The following NCF1 variants were observed in gnomAD, a reference collection of about 807,000 sequenced individuals.
The protein encoded by NCF1 is neutrophil cytosolic factor 1, also known as neutrophil cytosol factor 1.
In NCF1, 8 loss-of-function variants were observed where a neutral mutation model predicts 34.9. That is an observed-to-expected ratio of 0.23 (90% CI 0.13 to 0.41). The LOEUF is 0.41. Ranked by LOEUF, NCF1 falls within the 10% of genes least tolerant of loss-of-function variation. The pLI is 1.00. For missense variants in NCF1, 122 were observed against 362.4 expected (o/e 0.34, Z 5.39); for synonymous variants, 57 against 146.3 (o/e 0.39, Z 4.41).
chr7:74,775,758 G>A (rs1369713425), intron 1 of NCF1, among the ~76,000 whole-genome samples: 1 of 102,476 alleles, frequency 9.8e-6, no homozygotes, highest in Non-Finnish European at 1.9e-5. Flanking sequence ...TTTTGGACAC[G>A]GAATCTCACT....
chr7:74,783,777 G>A (rs1431619631), intron 7 of NCF1, 145 bp downstream of exon 7: 3 of 1,487,284 alleles, frequency 2.0e-6, no homozygotes, highest in Non-Finnish European at 2.7e-6. Flanking sequence ...TCTGGCTTGG[G>A]GGCCCTGGCA....
chr7:74,786,941 C>CT (rs1563005401), intron 8 of NCF1, among the ~76,000 whole-genome samples: 1 of 136,326 alleles, frequency 7.3e-6, no homozygotes, highest in Non-Finnish European at 1.6e-5. Context: ...GCAAAGTTTT[C>CT]TTTTGTTTTT....
chr7:74,782,361 C>T (rs1796585606), intron 5 of NCF1, among the ~76,000 whole-genome samples: 1 of 91,704 alleles, frequency 1.1e-5, no homozygotes, highest in Non-Finnish European at 2.1e-5. Context: ...ATTACTTGAA[C>T]CTGGGAGGTG....
chr7:74,786,484 T>C (rs587665386), intron 8 of NCF1, among the ~76,000 whole-genome samples: 2 of 152,166 alleles, frequency 1.3e-5, no homozygotes, highest in South Asian at 4.2e-4. Flanking sequence ...CATCGCTCAC[T>C]CAAGCGATCC....
chr7:74,777,258 T>C lies in NCF1; in HGVS notation c.73-9T>C. The C allele has an allele frequency of 6.2e-7, 1 of 1,612,496 alleles. No individual in the cohort carries two copies. The highest frequency in any genetic ancestry group is 1.1e-5 in the South Asian group (1 of 91,018). The stretch of plus-strand genomic sequence containing the variant: ...TGAATGGGGTCCCCCGACTCTGGCT[T>C]TCCCCCAGGTGTACATGTTCCTGGT... On this transcript the variant is annotated splice_polypyrimidine_tract_variant and intron_variant, in intron 1 of 10. Coordinates refer to ENST00000289473, the MANE Select transcript of NCF1 (RefSeq NM_000265.7).
At chr7:74,777,474 G>T in intron 2 of NCF1, 127 bp downstream of exon 2, 1 of 824,696 alleles carries the variant, frequency 1.2e-6, no homozygotes, top group African/African-American at 1.8e-5. Flanking sequence ...AGTTAAAGGG[G>T]ATTTATTTAT....
intron 8 of NCF1, among the ~76,000 whole-genome samples, chr7:74,787,214 G>T (rs1796690394): frequency 6.6e-6 from 1 of 151,970 alleles, no homozygotes; most frequent in Non-Finnish European, 1.5e-5. Flanking sequence ...GAGGCAGGTG[G>T]ATCACTTGAT....
In NCF1 at chr7:74,777,660, G is replaced by A. The variant is rs1314466176; in HGVS notation, c.153+313G>A. On this transcript the variant is annotated intron_variant, in intron 2 of 10. Transcript: ENST00000289473. ...TGCAGCCTCGACCTCTGGGGCTCAA[G>A]CGATCCTCCTGCCTCAGCCTCCTGA... 1.1e-5 allele frequency: 4 copies of A among 348,104 alleles called. No individual in the cohort carries two copies. In the Admixed American group the frequency reaches 1.2e-4, roughly 10 times the overall value. The allele number at this position is 348,104 out of a possible 1,614,324, so 21.6% of individuals were successfully genotyped here. A position where few individuals can be genotyped will look rare whatever the true frequency, so the allele number is the denominator to read the frequency against.
At chr7:74,783,224 T>C in intron 6 of NCF1, 163 bp downstream of exon 6, 1 of 1,404,946 alleles carries the variant, frequency 7.1e-7, no homozygotes. Flanking sequence ...TGTCTTAGTG[T>C]GCACCCTGTG....
intron 8 of NCF1, among the ~76,000 whole-genome samples, chr7:74,785,883 C>CA (rs1208073697): frequency 6.5e-4 from 45 of 69,202 alleles, no homozygotes; most frequent in African/African-American, 2.2e-3. Context: ...AACTCCGTCT[C>CA]AAAAAAAAAA....
chr7:74,777,210 C>T, intron 1 of NCF1, 57 bp from the exon 2 acceptor site: 1 of 1,406,208 alleles, frequency 7.1e-7, no homozygotes, highest in East Asian at 2.3e-5. Flanking sequence ...CCTGGGTGCA[C>T]ACAGCAAAGC....
intron 8 of NCF1, among the ~76,000 whole-genome samples, chr7:74,786,647 C>CCCAAAGCACTGGGATTACAGGAATGAG: frequency 6.6e-6 from 1 of 151,560 alleles, no homozygotes; most frequent in Non-Finnish European, 1.5e-5. Flanking sequence ...GCCTTGGCCT[C>CCCAAAGCACTGGGATTACAGGAATGAG]CCAAAGCACT....
intron 6 of NCF1, 132 bp downstream of exon 6, chr7:74,783,193 C>T (rs1367770740): frequency 2.0e-6 from 3 of 1,518,874 alleles, no homozygotes; most frequent in Admixed American, 2.0e-5. Context: ...AAATGTCCTC[C>T]CCACACTGTG....
rs587688058 is a variant in NCF1, at chr7:74,787,561, C to T, written c.801-423C>T. ...AAAAGAAAAATTGGCAAATATAATC[C>T]GCCAATGTCTTCTTTTTTCTTTACT... On this transcript the variant is annotated intron_variant, in intron 8 of 10. Coordinates refer to ENST00000289473, the MANE Select transcript of NCF1 (RefSeq NM_000265.7). Among the ~76,000 whole-genome samples, 624 of 152,146 alleles carry T rather than the reference C, an allele frequency of 4.1e-3. 4 individuals are homozygous for T. Among genetic ancestry groups the T allele is most frequent in the Non-Finnish European group, 6.3e-3 (431 of 68,004 alleles).
chr7:74,788,527 G>A, intron 9 of NCF1, 32 bp from the exon 10 acceptor site: 1 of 1,535,358 alleles, frequency 6.5e-7, no homozygotes, highest in Non-Finnish European at 8.7e-7. Context: ...GGCGCCCTCG[G>A]GCTTTGACGA....
chr7:74,782,015 A>G (rs2529297), intron 5 of NCF1, among the ~76,000 whole-genome samples: 1 of 148,904 alleles, frequency 6.7e-6, no homozygotes, highest in South Asian at 2.2e-4. Context: ...ATGTCAGCCA[A>G]TACTAAACAG....
intron 7 of NCF1, among the ~76,000 whole-genome samples, chr7:74,783,889 T>C (rs1796625768): frequency 6.6e-6 from 1 of 151,372 alleles, no homozygotes; most frequent in Non-Finnish European, 1.5e-5. Context: ...CCAGGTTCAG[T>C]GGGAAGCTGA....
At chr7:74,787,660 C>G (rs1258266579) in intron 8 of NCF1, among the ~76,000 whole-genome samples, 1 of 150,214 alleles carries the variant, frequency 6.7e-6, no homozygotes, top group Non-Finnish European at 1.5e-5. Context: ...TCAAGCGATC[C>G]TCCCACCTAG....
chr7:74,777,060 G>A (rs1234969638), intron 1 of NCF1, among the ~76,000 whole-genome samples: 3 of 146,768 alleles, frequency 2.0e-5, no homozygotes, highest in Admixed American at 6.9e-5. Flanking sequence ...TTTGAGAGAA[G>A]CTGACCCTCT....
Sources: gnomAD v4.1 joint callset for allele counts (sites outside exome capture counted in the v4.1 genomes callset) on GRCh38, gnomAD v4.1.1 for gene constraint, MANE v1.5 for transcripts, NCBI Gene and HGNC (gene_info 2026-07-23, HGNC 2026-07-21) for gene names.